Variants in ANO3 observed in about 807,000 individuals in gnomAD.
The protein encoded by ANO3 is anoctamin 3, also known as anoctamin-3.
Under a neutral mutation model 144.8 loss-of-function variants are expected in ANO3, and 99 were observed. The ratio of observed to expected loss-of-function variants is 0.68; its 90% CI spans 0.58 to 0.81. The LOEUF (loss-of-function observed/expected upper bound fraction) is 0.81, where lower values mean the gene tolerates loss of function less well. Among genes scored for constraint, ANO3 ranks in the 30% least tolerant of loss-of-function variants. ANO3 has a pLI of 0.00. For missense variants in ANO3, 905 were observed against 1,202.2 expected (o/e 0.75, Z 3.66); for synonymous variants, 414 against 392.6 (o/e 1.05, Z -0.64).
intron 4 of ANO3, 84 bp from the exon 5 acceptor site, chr11:26,508,020 C>A: frequency 8.4e-7 from 1 of 1,185,048 alleles, no homozygotes; most frequent in African/African-American, 1.6e-5. Context: ...TATTGTATTG[C>A]CAGTGTTCAA....
chr11:26,385,908 T>TATATATATATATATATATATATATATAC (rs1310559300), intron 1 of ANO3, among the ~76,000 whole-genome samples: 28 of 149,432 alleles, frequency 1.9e-4, no homozygotes, highest in Admixed American at 1.1e-3. Flanking sequence ...TATATTTATA[T>TATATATATATATATATATATATATATAC]ACATATTTAC....
At chr11:26,332,360 A>G in intron 1 of ANO3, 39 bp downstream of exon 1, 2 of 1,605,048 alleles carry the variant, frequency 1.2e-6, no homozygotes, top group South Asian at 2.2e-5. Context: ...TGCGGGCGTC[A>G]CTTCCCCCCT....
intron 17 of ANO3, among the ~76,000 whole-genome samples, chr11:26,609,598 C>A (rs926834694): frequency 6.6e-6 from 1 of 152,086 alleles, no homozygotes; most frequent in Non-Finnish European, 1.5e-5. Context: ...AGTCAGCCAT[C>A]TTTGGCCCCG....
intron 4 of ANO3, among the ~76,000 whole-genome samples, chr11:26,477,917 T>C (rs1279527092): frequency 6.6e-6 from 1 of 152,144 alleles, no homozygotes; most frequent in Non-Finnish European, 1.5e-5. Context: ...GGGATACTCA[T>C]TGCATCGTTA....
intron 6 of ANO3, among the ~76,000 whole-genome samples, chr11:26,525,099 C>T (rs1040255655): frequency 5.9e-5 from 9 of 152,088 alleles, no homozygotes; most frequent in Non-Finnish European, 1.2e-4. Flanking sequence ...TGCATTTTCA[C>T]ATTTTATTTT....
At chr11:26,195,226 T>A (rs532508688) in intron 1 of ANO3, among the ~76,000 whole-genome samples, 1 of 152,322 alleles carries the variant, frequency 6.6e-6, no homozygotes, top group Non-Finnish European at 1.5e-5. Flanking sequence ...ATGAGGTCAG[T>A]AATTTGTCTT....
chr11:26,514,954 C>T (rs7939649), intron 5 of ANO3, among the ~76,000 whole-genome samples: 9,007 of 152,038 alleles, frequency 0.059, 301 homozygotes, highest in East Asian at 0.16. Flanking sequence ...TGATCAGTGA[C>T]AGATTTCCAG....
intron 6 of ANO3, among the ~76,000 whole-genome samples, chr11:26,517,769 G>T (rs1861915413): frequency 6.6e-6 from 1 of 152,002 alleles, no homozygotes; most frequent in Admixed American, 6.6e-5. Context: ...GTCCAACTCT[G>T]GTAGAAGTGC....
At chr11:26,448,403 A>G (rs1276936837) in intron 3 of ANO3, among the ~76,000 whole-genome samples, 1 of 152,208 alleles carries the variant, frequency 6.6e-6, no homozygotes, top group African/African-American at 2.4e-5. Context: ...TTATGAAATC[A>G]ACATTTTGCT....
At chr11:26,204,997 A>C (rs1281282944) in intron 1 of ANO3, among the ~76,000 whole-genome samples, 3 of 152,184 alleles carry the variant, frequency 2.0e-5, no homozygotes, top group Non-Finnish European at 4.4e-5. Flanking sequence ...GGAAACTTAC[A>C]ATCATGGCAA....
chr11:26,436,139 C>T (rs756255584), intron 1 of ANO3, among the ~76,000 whole-genome samples: 41 of 152,260 alleles, frequency 2.7e-4, no homozygotes, highest in Middle Eastern at 3.4e-3. Flanking sequence ...CTGGGATCTG[C>T]GTTGAGAACA....
chr11:26,660,444 G>C lies in ANO3; in HGVS notation c.2946G>C (p.Ter982TyrextTer7). The change falls in exon 27 of 27, where the codon TAG becomes TAC. Residue 982 changes from the stop codon to tyrosine, a stop_lost. Coordinates refer to ENST00000256737, the MANE Select transcript of ANO3 (RefSeq NM_031418.4). ...AGCCTGTTCACCATGAATGGCCTTA[G>C]TTGACACCTGTTACCCATTAGGGGT... ...SGQPVHHEWP[*>Y] 3 of 1,610,404 alleles carry C rather than the reference G, an allele frequency of 1.9e-6. No individual in the cohort carries two copies. The highest frequency in any genetic ancestry group is 2.5e-6 in the Non-Finnish European group (3 of 1,178,424).
intron 1 of ANO3, among the ~76,000 whole-genome samples, chr11:26,340,112 T>C (rs1384391659): frequency 6.6e-6 from 1 of 152,206 alleles, no homozygotes; most frequent in African/African-American, 2.4e-5. Context: ...GTACATTTCT[T>C]ATCATCGTAC....
chr11:26,432,619 T>C (rs985216627), intron 1 of ANO3, among the ~76,000 whole-genome samples: 1 of 152,188 alleles, frequency 6.6e-6, no homozygotes, highest in African/African-American at 2.4e-5. Context: ...TTTCTGCTTA[T>C]GGCTAGCCAG....
chr11:26,568,280 A>T (rs1590556955), intron 14 of ANO3, among the ~76,000 whole-genome samples: 1 of 152,068 alleles, frequency 6.6e-6, no homozygotes, highest in Admixed American at 6.6e-5. Flanking sequence ...CACTTTACAG[A>T]TGATTAAGTG....
chr11:26,619,231 T>C (rs1852344621), intron 17 of ANO3, among the ~76,000 whole-genome samples: 1 of 152,222 alleles, frequency 6.6e-6, no homozygotes, highest in South Asian at 2.1e-4. Context: ...GCACTTATTT[T>C]AATTTACACT....
intron 1 of ANO3, among the ~76,000 whole-genome samples, chr11:26,395,927 GC>G (rs2133968126): frequency 6.6e-6 from 1 of 152,208 alleles, no homozygotes; most frequent in East Asian, 1.9e-4. Flanking sequence ...GGCAACAAAA[GC>G]CAAAATTGAC....
chr11:26,577,487 C>T (rs1398697279), intron 14 of ANO3, among the ~76,000 whole-genome samples: 3 of 150,874 alleles, frequency 2.0e-5, no homozygotes, highest in Admixed American at 6.6e-5. Context: ...GGCTTGAACC[C>T]GGGAGGCAGA....
At chr11:26,482,426 ATG>A (rs58664691) in intron 4 of ANO3, among the ~76,000 whole-genome samples, 37,042 of 140,522 alleles carry the variant, frequency 0.26, 4,697 homozygotes, top group Non-Finnish European at 0.3. Flanking sequence ...ACACAGATAT[ATG>A]TGTGTGTGTG....
Sources: allele counts gnomAD v4.1 joint callset (sites outside exome capture counted in the v4.1 genomes callset), GRCh38; gene constraint gnomAD v4.1.1; transcripts MANE v1.5; gene names NCBI Gene and HGNC (gene_info 2026-07-23, HGNC 2026-07-21).